The following GTF3C2 variants were observed in gnomAD, a reference collection of about 807,000 sequenced individuals.
GTF3C2 encodes general transcription factor IIIC subunit 2.
Under a neutral mutation model 117.4 loss-of-function variants are expected in GTF3C2, and 17 were observed. That is an observed-to-expected ratio of 0.14 (90% CI 0.10 to 0.22). The LOEUF is 0.22. Among genes scored for constraint, GTF3C2 ranks in the 10% least tolerant of loss-of-function variants. The pLI is 1.00. For missense variants in GTF3C2, 888 were observed against 1,143.6 expected (o/e 0.78, Z 3.22); for synonymous variants, 437 against 427.0 (o/e 1.02, Z -0.29).
At chr2:27,355,818 G>T (rs1381438100) in intron 1 of GTF3C2, among the ~76,000 whole-genome samples, 1 of 152,138 alleles carries the variant, frequency 6.6e-6, no homozygotes, top group Non-Finnish European at 1.5e-5. Context: ...CGGTATGCAA[G>T]ATGATTTTAA....
chr2:27,347,713 C>T (rs1680968779), intron 1 of GTF3C2, among the ~76,000 whole-genome samples: 1 of 152,226 alleles, frequency 6.6e-6, no homozygotes, highest in African/African-American at 2.4e-5. Flanking sequence ...AGGGTTTGAA[C>T]ATCCCCTCCA....
At chr2:27,354,598 T>C (rs142351099) in intron 1 of GTF3C2, among the ~76,000 whole-genome samples, 3,003 of 151,960 alleles carry the variant, frequency 0.02, 105 homozygotes, top group African/African-American at 0.069. Context: ...CTACTAAAAA[T>C]ATAAAAATTA....
At chr2:27,342,358 T>A in intron 3 of GTF3C2, 125 bp from the exon 4 acceptor site, 2 of 729,756 alleles carry the variant, frequency 2.7e-6, no homozygotes, top group Non-Finnish European at 4.3e-6. Context: ...TTAACTCTAT[T>A]AATTTCCCCT....
chr2:27,330,305 A>G (rs1311278087), intron 12 of GTF3C2, among the ~76,000 whole-genome samples: 1 of 150,696 alleles, frequency 6.6e-6, no homozygotes, highest in Non-Finnish European at 1.5e-5. Context: ...CTAAAAATAC[A>G]AAAAAAAATT....
intron 12 of GTF3C2, 88 bp downstream of exon 12, chr2:27,333,567 T>C: frequency 1.2e-6 from 1 of 838,922 alleles, no homozygotes; most frequent in Non-Finnish European, 2.0e-6. Flanking sequence ...TGTCCAGTAT[T>C]GAACCACCAA....
intron 4 of GTF3C2, 115 bp downstream of exon 4, chr2:27,341,833 A>T: frequency 1.1e-6 from 1 of 871,226 alleles, no homozygotes; most frequent in Admixed American, 2.7e-5. Flanking sequence ...TTTTTCTTTA[A>T]CCTGTTTTGT....
chr2:27,343,003 T>C (rs1237572852), exon 3 of GTF3C2: 1 of 1,614,186 alleles, frequency 6.2e-7, no homozygotes, highest in Non-Finnish European at 8.5e-7. Flanking sequence ...AGGGTTGGAT[T>C]GATCTAAGAG....
chr2:27,325,957 C>T (rs926982229), exon 19 of GTF3C2: 3 of 193,742 alleles, frequency 1.5e-5, no homozygotes, highest in Non-Finnish European at 1.1e-5. Context: ...ACTAGATTTC[C>T]TAACATCCAT....
rs1037785471 is a variant in GTF3C2 at position 27,355,315 on chromosome 2, G to C, written c.-25+1424C>G. On this transcript the variant is annotated intron_variant, in intron 1 of 18. Transcript: ENST00000264720. ...AGGTGGGCGGATAACGAGGTCACAA[G>C]TTCGAGACCAGCCTGACCAACATGG... 2.6e-5 allele frequency among the ~76,000 whole-genome samples: 4 copies of C among 152,136 alleles called. No homozygotes were observed. The East Asian group carries it at 7.7e-4, about 29-fold the overall frequency.
intron 1 of GTF3C2, chr2:27,356,404 T>G (rs1048613338): frequency 4.8e-5 from 13 of 270,120 alleles, no homozygotes; most frequent in African/African-American, 2.8e-4. Context: ...GAGCCCTGGT[T>G]TTTCTAACAA....
chr2:27,349,646 T>C (rs1681055225), intron 1 of GTF3C2, among the ~76,000 whole-genome samples: 1 of 149,556 alleles, frequency 6.7e-6, no homozygotes, highest in Non-Finnish European at 1.5e-5. Context: ...GGAGTACTAT[T>C]TTTTTTTTTT....
At chr2:27,332,575 C>T (rs1181319374) in intron 12 of GTF3C2, among the ~76,000 whole-genome samples, 1 of 151,684 alleles carries the variant, frequency 6.6e-6, no homozygotes, top group Non-Finnish European at 1.5e-5. Context: ...CCACCACGCC[C>T]GGGGAATTTT....
At chr2:27,337,373 T>G (rs1558616890) in intron 6 of GTF3C2, 31 bp from the exon 7 acceptor site, 4 of 1,534,720 alleles carry the variant, frequency 2.6e-6, no homozygotes, top group Non-Finnish European at 3.6e-6. Context: ...CAGTCTAAAT[T>G]TGGAAGTGTT....
chr2:27,326,679 G>A (rs746391591), exon 19 of GTF3C2: 3 of 1,611,958 alleles, frequency 1.9e-6, no homozygotes, highest in South Asian at 1.1e-5. Flanking sequence ...CCAAGGCTAG[G>A]GAGTGGGCAG....
Position 27,342,945 on chromosome 2 carries a change from C to T in GTF3C2, c.450G>A (p.Glu150=), listed in dbSNP as rs749077711. ...CTTTTGACAACTTCAGCAGCAGCAG[C>T]TCTGCCTTGGACTTTCGACCTCGTT... Residue 150 remains glutamate, a synonymous_variant, in exon 3 of 19, where the codon GAG becomes GAA. Coordinates refer to ENST00000264720, the Ensembl canonical transcript of GTF3C2. 1.5e-5 allele frequency: 24 copies of T among 1,614,130 alleles called. No homozygotes were observed. The Middle Eastern group carries it at 6.6e-4, about 44-fold the overall frequency.
intron 1 of GTF3C2, among the ~76,000 whole-genome samples, chr2:27,354,432 T>G (rs1342841881): frequency 6.6e-6 from 1 of 152,196 alleles, no homozygotes; most frequent in Non-Finnish European, 1.5e-5. Flanking sequence ...AGGAGCTAAA[T>G]GGAAATCAGT....
chr2:27,326,703 G>A (rs1374486033), exon 19 of GTF3C2: 4 of 1,614,060 alleles, frequency 2.5e-6, no homozygotes, highest in Non-Finnish European at 2.5e-6. Context: ...GCGATGGCTG[G>A]TTGGAGAGAA....
chr2:27,351,873 G>T (rs1018064521), intron 1 of GTF3C2, among the ~76,000 whole-genome samples: 4 of 151,934 alleles, frequency 2.6e-5, no homozygotes. Flanking sequence ...AGTCCCACAC[G>T]CCCCCCATCT....
intron 1 of GTF3C2, among the ~76,000 whole-genome samples, chr2:27,355,318 C>T (rs576942099): frequency 6.6e-6 from 1 of 152,016 alleles, no homozygotes; most frequent in Non-Finnish European, 1.5e-5. Flanking sequence ...GTCACAAGTT[C>T]GAGACCAGCC....
Sources: allele counts gnomAD v4.1 joint callset (sites outside exome capture counted in the v4.1 genomes callset), GRCh38; gene constraint gnomAD v4.1.1; transcripts MANE v1.5; gene names NCBI Gene and HGNC (gene_info 2026-07-23, HGNC 2026-07-21).